Variants in NIBAN1 observed in about 807,000 individuals in gnomAD.
The protein encoded by NIBAN1 is niban apoptosis regulator 1.
A neutral mutation model predicts 75.1 loss-of-function variants in NIBAN1; 81 were observed. The observed-to-expected ratio is 1.08, with a 90% CI of 0.90 to 1.30. The LOEUF (loss-of-function observed/expected upper bound fraction) is 1.30, where lower values mean the gene tolerates loss of function less well. Among genes scored for constraint, NIBAN1 ranks in the 50% most tolerant of loss-of-function variants. The pLI, the probability that NIBAN1 is intolerant of heterozygous loss-of-function variation, is 0.00. For synonymous variants in NIBAN1, 436 were observed against 424.8 expected (o/e 1.03, Z -0.32); for missense variants, 1,133 against 1,128.1 (o/e 1.00, Z -0.06).
At chr1:184,969,879 ATGGGGGCTGGG>A (rs1658891023) in intron 1 of NIBAN1, among the ~76,000 whole-genome samples, 1 of 151,888 alleles carries the variant, frequency 6.6e-6, no homozygotes, top group African/African-American at 2.4e-5. Flanking sequence ...AGAAAAAGGA[ATGGGGGCTGGG>A]CACAGAGGCT....
intron 5 of NIBAN1, among the ~76,000 whole-genome samples, chr1:184,835,482 A>G (rs1571504807): frequency 6.6e-6 from 1 of 152,302 alleles, no homozygotes; most frequent in East Asian, 1.9e-4. Context: ...TGAGCATGGA[A>G]TGTTCTTCCA....
At chr1:184,958,364 T>TCACACACACACACACACACACA (rs3035788) in intron 1 of NIBAN1, among the ~76,000 whole-genome samples, 19 of 142,710 alleles carry the variant, frequency 1.3e-4, no homozygotes, top group Non-Finnish European at 2.9e-4. Context: ...GACAGAGGAG[T>TCACACACACACACACACACACA]CACACACACA....
chr1:184,938,111 T>G (rs758251354), intron 1 of NIBAN1, among the ~76,000 whole-genome samples: 3 of 152,166 alleles, frequency 2.0e-5, no homozygotes, highest in African/African-American at 7.2e-5. Flanking sequence ...AGCTGATGGA[T>G]ACCTACTACT....
In NIBAN1 at chr1:184,792,631, AAACTC is replaced by A. The variant is rs1472329316; in HGVS notation, c.*2341_*2345del. The A allele has an allele frequency of 6.5e-6, 1 of 152,718 alleles. No individual in the cohort carries two copies. The highest frequency in any genetic ancestry group is 1.5e-5 in the Non-Finnish European group (1 of 68,082). 9.5% of individuals were successfully genotyped at this position (152,718 alleles called of 1,614,324 possible). On this transcript the variant is annotated 3_prime_UTR_variant, in exon 14 of 14. Coordinates refer to ENST00000367511, the MANE Select transcript of NIBAN1 (RefSeq NM_052966.4). ...TGGACTTTGGACTTTACTTAAGAGAAAACTCAACAAGGGCAGAAAGCCCAATTCAA... is the reference window on the plus strand; with the variant it reads ...TGGACTTTGGACTTTACTTAAGAGAAAACAAGGGCAGAAAGCCCAATTCAA...
At chr1:184,968,831 G>A (rs1658865101) in intron 1 of NIBAN1, among the ~76,000 whole-genome samples, 1 of 152,078 alleles carries the variant, frequency 6.6e-6, no homozygotes, top group Non-Finnish European at 1.5e-5. Flanking sequence ...AGGTCCAGAG[G>A]TAAATGGTCC....
chr1:184,887,532 TAAAG>T (rs1656558649), intron 4 of NIBAN1, among the ~76,000 whole-genome samples: 1 of 152,122 alleles, frequency 6.6e-6, no homozygotes, highest in Non-Finnish European at 1.5e-5. Flanking sequence ...GAGGTATCTC[TAAAG>T]AAAGTGAATG....
At chr1:184,860,351 C>T (rs1032201712) in intron 5 of NIBAN1, among the ~76,000 whole-genome samples, 4 of 151,692 alleles carry the variant, frequency 2.6e-5, no homozygotes, top group African/African-American at 7.3e-5. Flanking sequence ...TGTAAACATG[C>T]AAAAAAATTC....
chr1:184,818,380 G>T (rs1221021515), intron 9 of NIBAN1, among the ~76,000 whole-genome samples: 1 of 152,072 alleles, frequency 6.6e-6, no homozygotes, highest in Non-Finnish European at 1.5e-5. Context: ...TGAGTATGTT[G>T]CTTCACTTGT....
chr1:184,862,361 T>C (rs987321485), intron 5 of NIBAN1, among the ~76,000 whole-genome samples: 8 of 151,978 alleles, frequency 5.3e-5, no homozygotes, highest in South Asian at 2.1e-4. Flanking sequence ...GCTGGAGTGC[T>C]GTGGCTATTC....
rs559619649 is a variant in NIBAN1, at chr1:184,845,809, T to C, written c.602-13847A>G. ...AAGCAGGGCGAGGCATTGCCTCACC[T>C]GGGAAGCGCAAGGGGTCAGGGAGTT... On this transcript the variant is annotated intron_variant, in intron 5 of 13. Coordinates refer to ENST00000367511, the MANE Select transcript of NIBAN1 (RefSeq NM_052966.4). 2.4e-5 allele frequency among the ~76,000 whole-genome samples: 2 copies of C among 84,084 alleles called. 1 individual carries two copies. The highest frequency in any genetic ancestry group is 5.2e-4 in the East Asian group (2 of 3,880). 55.2% of individuals were successfully genotyped at this position (84,084 alleles called of 152,430 possible).
At chr1:184,813,997 C>T (rs1240186563) in intron 9 of NIBAN1, among the ~76,000 whole-genome samples, 2 of 152,066 alleles carry the variant, frequency 1.3e-5, no homozygotes, top group Admixed American at 6.6e-5. Flanking sequence ...GGTTTACATG[C>T]AAGGTATGTA....
chr1:184,957,431 T>G (rs1042748983), intron 1 of NIBAN1, among the ~76,000 whole-genome samples: 4 of 152,260 alleles, frequency 2.6e-5, no homozygotes, highest in African/African-American at 9.6e-5. Context: ...ATTACAACAC[T>G]AGAGTGTCCC....
In NIBAN1 at chr1:184,922,648, C is replaced by G. The variant is rs113124614; in HGVS notation, c.56-23339G>C. Among the ~76,000 whole-genome samples the G allele has an allele frequency of 7.9e-3, 1,205 of 152,122 alleles. 9 individuals are homozygous for G. Among genetic ancestry groups the G allele is most frequent in the South Asian group, 0.027 (129 of 4,808 alleles). On this transcript the variant is annotated intron_variant, in intron 1 of 13. Coordinates refer to ENST00000367511, the MANE Select transcript of NIBAN1 (RefSeq NM_052966.4). Reference sequence around the variant, plus strand: ...TTGAGTTGGAGTCTCACTCTTTCACCCAGGCTGCAGTGCAATGGCACAATC... The same window carrying G: ...TTGAGTTGGAGTCTCACTCTTTCACGCAGGCTGCAGTGCAATGGCACAATC...
At chr1:184,869,073 C>G (rs1656031634) in intron 5 of NIBAN1, among the ~76,000 whole-genome samples, 1 of 152,058 alleles carries the variant, frequency 6.6e-6, no homozygotes, top group Non-Finnish European at 1.5e-5. Flanking sequence ...TCTTAGGACC[C>G]ACCCCAGGCC....
chr1:184,804,858 C>T (rs960686167), intron 11 of NIBAN1, among the ~76,000 whole-genome samples: 9 of 151,822 alleles, frequency 5.9e-5, no homozygotes, highest in Non-Finnish European at 8.8e-5. Flanking sequence ...GCACAATCTC[C>T]GCTCACTGCA....
chr1:184,856,114 A>C (rs1433356482), intron 5 of NIBAN1, among the ~76,000 whole-genome samples: 2 of 152,214 alleles, frequency 1.3e-5, no homozygotes, highest in African/African-American at 4.8e-5. Flanking sequence ...CTAGTTATAA[A>C]TGCTGAATCC....
At chr1:184,862,220 G>A (rs567075524) in intron 5 of NIBAN1, among the ~76,000 whole-genome samples, 23 of 152,186 alleles carry the variant, frequency 1.5e-4, no homozygotes, top group Non-Finnish European at 2.2e-4. Context: ...CCACTGTCCC[G>A]TGATGGAAGT....
chr1:184,884,616 G>C lies in NIBAN1; in HGVS notation c.601+17C>G, dbSNP rs1391921946. ...CCCACTTCCCGCCCCGGGGATGAGAGGGGAGCCGCGCCATACCATGATTGA... is the reference window on the plus strand; with the variant it reads ...CCCACTTCCCGCCCCGGGGATGAGACGGGAGCCGCGCCATACCATGATTGA... On this transcript the variant is annotated intron_variant, in intron 5 of 13. Coordinates refer to ENST00000367511, the MANE Select transcript of NIBAN1 (RefSeq NM_052966.4). 3.1e-6 allele frequency: 5 copies of C among 1,612,874 alleles called. No individual in the cohort carries two copies. The African/African-American group carries it at 6.7e-5, about 22-fold the overall frequency.
chr1:184,794,623 A>G lies in NIBAN1; in HGVS notation c.*354T>C, dbSNP rs1011984670. 5 of 368,346 alleles carry G rather than the reference A, an allele frequency of 1.4e-5. No homozygotes were observed. Among genetic ancestry groups the G allele is most frequent in the African/African-American group, 1.0e-4 (5 of 47,902 alleles). The allele number at this position is 368,346 out of a possible 1,614,324, so 22.8% of individuals were successfully genotyped here. A position where few individuals can be genotyped will look rare whatever the true frequency, so the allele number is the denominator to read the frequency against. On this transcript the variant is annotated 3_prime_UTR_variant, in exon 14 of 14. Transcript: ENST00000367511. ...AAAAAGCCTTAAAGTGCACAAGAAG[A>G]TTGCACAATTGAAAAGTGCAGAGTA...
Sources: gnomAD v4.1 joint callset for allele counts (sites outside exome capture counted in the v4.1 genomes callset) on GRCh38, gnomAD v4.1.1 for gene constraint, MANE v1.5 for transcripts, NCBI Gene and HGNC (gene_info 2026-07-23, HGNC 2026-07-21) for gene names.